The following NRG1 variants were observed in gnomAD, a reference collection of about 807,000 sequenced individuals.
The protein encoded by NRG1 is pro-neuregulin-1, membrane-bound isoform.
NRG1 carries 18 observed loss-of-function variants against 63.8 expected under a neutral mutation model. That is an observed-to-expected ratio of 0.28 (90% CI 0.19 to 0.42). The LOEUF (loss-of-function observed/expected upper bound fraction) is 0.42. NRG1 is among the 10% of genes least tolerant of loss of function. The pLI is 1.00. For synonymous variants in NRG1, 302 were observed against 301.3 expected (o/e 1.00, Z -0.02); for missense variants, 762 against 814.7 (o/e 0.94, Z 0.79).
In NRG1 at chr8:31,640,565, C is replaced by T. The variant is rs1351054733; in HGVS notation, c.37+1134C>T. On this transcript the variant is annotated intron_variant, in intron 1 of 10. Coordinates refer to the NRG1 transcript ENST00000519301. The surrounding 1 kb of genome is among the most constrained non-coding windows in gnomAD (Gnocchi z 6.3). ...GGGACCTGGGGCCACCCCGCCTTCCCCTCCTGCGGGAGGCTCAAGGAGGAC... is the reference window on the plus strand; with the variant it reads ...GGGACCTGGGGCCACCCCGCCTTCCTCTCCTGCGGGAGGCTCAAGGAGGAC... The T allele has an allele frequency of 2.5e-6, 4 of 1,611,930 alleles. No individual in the cohort carries two copies. The highest frequency in any genetic ancestry group is 2.2e-5 in the East Asian group (1 of 44,762).
Position 32,742,822 on chromosome 8 carries a change from A to T in NRG1, c.691+89A>T, listed in dbSNP as rs750784615. On this transcript the variant is annotated intron_variant, in intron 7 of 11. Coordinates refer to ENST00000356819, the Ensembl canonical transcript of NRG1. This position sits in a 1 kb window ranked among gnomAD's most constrained non-coding sequence, Gnocchi z 4.2. ...GTTGCTGCATCTCCCCTCAGATTCC[A>T]CCTAGAGCTAGATGTGTCTTACCAG... 1.2e-5 allele frequency: 20 copies of T among 1,611,468 alleles called. No individual in the cohort carries two copies. Among genetic ancestry groups the T allele is most frequent in the African/African-American group, 2.7e-5 (2 of 74,716 alleles).
chr8:32,374,128 TA>T (rs1809306812), intron 1 of NRG1, among the ~76,000 whole-genome samples: 1 of 152,226 alleles, frequency 6.6e-6, no homozygotes, highest in African/African-American at 2.4e-5. Flanking sequence ...CCTCTCATTT[TA>T]CGGGTGACAA....
intron 1 of NRG1, among the ~76,000 whole-genome samples, chr8:31,778,443 C>T (rs1819366991): frequency 1.3e-5 from 2 of 152,148 alleles, no homozygotes; most frequent in South Asian, 2.1e-4. Context: ...ATTTATCTTC[C>T]TTCCCCCAAG....
rs1211898753 is a variant in NRG1 at position 31,682,462 on chromosome 8, G to A, written c.37+43031G>A. ...AGAATGATTTTAAAAATTGAGGGCT[G>A]TGCATATAATAAAGTGACATAAAAC... On this transcript the variant is annotated intron_variant, in intron 1 of 10. Coordinates refer to the NRG1 transcript ENST00000519301. Among the ~76,000 whole-genome samples, 3 of 152,102 alleles carry A rather than the reference G, an allele frequency of 2.0e-5. No individual in the cohort carries two copies. The East Asian group carries it at 5.8e-4, about 29-fold the overall frequency.
At chr8:32,760,962 G>T in intron 11 of NRG1, 1 of 986,332 alleles carries the variant, frequency 1.0e-6, no homozygotes, top group Non-Finnish European at 1.2e-6. Context: ...TCCAAGAAGG[G>T]ATGAATAAAT....
At chr8:32,589,005 A>G (rs149294247) in intron 1 of NRG1, among the ~76,000 whole-genome samples, 5 of 152,300 alleles carry the variant, frequency 3.3e-5, no homozygotes, top group Non-Finnish European at 5.9e-5. Context: ...GGCAACAAAT[A>G]ATGATCTTGT....
chr8:31,857,640 G>C (rs554149129), intron 1 of NRG1, among the ~76,000 whole-genome samples: 2 of 152,116 alleles, frequency 1.3e-5, no homozygotes, highest in Admixed American at 6.5e-5. Context: ...CTTCAAGAGC[G>C]GGAATACATT....
At chr8:32,515,439 C>A (rs1829721948) in intron 1 of NRG1, among the ~76,000 whole-genome samples, 1 of 147,318 alleles carries the variant, frequency 6.8e-6, no homozygotes, top group African/African-American at 2.5e-5. Context: ...TGTCCTTTGC[C>A]CAGTTTTTTT....
chr8:32,596,897 C>A (rs545799218), intron 2 of NRG1, among the ~76,000 whole-genome samples: 3 of 152,172 alleles, frequency 2.0e-5, no homozygotes, highest in Admixed American at 2.0e-4. Flanking sequence ...TGTTCCTACC[C>A]TCCCCGAGGA....
chr8:32,663,897 G>T (rs1189771793), intron 5 of NRG1, among the ~76,000 whole-genome samples: 1 of 152,032 alleles, frequency 6.6e-6, no homozygotes, highest in African/African-American at 2.4e-5. Context: ...TCTTGATCAG[G>T]TTCCACTCTT....
At chr8:31,898,353 A>G (rs1180923676) in intron 1 of NRG1, among the ~76,000 whole-genome samples, 3 of 152,216 alleles carry the variant, frequency 2.0e-5, no homozygotes, top group Non-Finnish European at 4.4e-5. Context: ...TGCTTCATAT[A>G]TATTATTGTG....
chr8:31,798,987 G>T (rs879892630), intron 1 of NRG1, among the ~76,000 whole-genome samples: 1 of 151,946 alleles, frequency 6.6e-6, no homozygotes, highest in Non-Finnish European at 1.5e-5. Flanking sequence ...ATTTTATTTG[G>T]CAGTTTCATC....
intron 1 of NRG1, among the ~76,000 whole-genome samples, chr8:32,146,565 C>T (rs1836888860): frequency 6.6e-6 from 1 of 152,016 alleles, no homozygotes; most frequent in Non-Finnish European, 1.5e-5. Flanking sequence ...TACAGACATA[C>T]ATATTAGGAA....
At chr8:32,081,234 T>C (rs1170779666) in intron 1 of NRG1, among the ~76,000 whole-genome samples, 2 of 152,160 alleles carry the variant, frequency 1.3e-5, no homozygotes, top group African/African-American at 2.4e-5. Flanking sequence ...CCTTAAGCCA[T>C]TCTTAATCTC....
At chr8:31,711,557 T>C (rs1811747093) in intron 1 of NRG1, among the ~76,000 whole-genome samples, 2 of 152,252 alleles carry the variant, frequency 1.3e-5, no homozygotes, top group Non-Finnish European at 2.9e-5. Flanking sequence ...GCCTCCAGTG[T>C]ACCTTTCAAT....
At chr8:32,102,140 G>T (rs752536956) in intron 1 of NRG1, among the ~76,000 whole-genome samples, 1 of 152,096 alleles carries the variant, frequency 6.6e-6, no homozygotes, top group Non-Finnish European at 1.5e-5. Flanking sequence ...AAGAATAATT[G>T]AAGACTTTTT....
At chr8:32,012,352 G>C (rs1814893259) in intron 1 of NRG1, among the ~76,000 whole-genome samples, 1 of 152,072 alleles carries the variant, frequency 6.6e-6, no homozygotes, top group Non-Finnish European at 1.5e-5. Flanking sequence ...GCTGAATTAG[G>C]TGCGGAGGGT....
At chr8:32,505,382 A>T (rs1193656574) in intron 1 of NRG1, among the ~76,000 whole-genome samples, 1 of 152,194 alleles carries the variant, frequency 6.6e-6, no homozygotes, top group East Asian at 1.9e-4. Flanking sequence ...AGCTCTCTAA[A>T]TATCCTTTTA....
chr8:32,061,087 A>G (rs1187774043), intron 1 of NRG1, among the ~76,000 whole-genome samples: 1 of 151,958 alleles, frequency 6.6e-6, no homozygotes, highest in South Asian at 2.1e-4. Flanking sequence ...ATTCATTTAT[A>G]TATAATTAAG....
Sources: allele counts gnomAD v4.1 joint callset (sites outside exome capture counted in the v4.1 genomes callset), GRCh38; gene constraint gnomAD v4.1.1; non-coding constraint Gnocchi (gnomAD v3.1); transcripts MANE v1.5; gene names NCBI Gene and HGNC (gene_info 2026-07-23, HGNC 2026-07-21).